The following MAGI2 variants were observed in gnomAD, a reference collection of about 807,000 sequenced individuals.
MAGI2 encodes membrane-associated guanylate kinase, WW and PDZ domain-containing protein 2.
In MAGI2, 35 loss-of-function variants were observed where a neutral mutation model predicts 133.3. The observed-to-expected ratio is 0.26, with a 90% CI of 0.20 to 0.35. MAGI2 has a LOEUF of 0.35. Among genes scored for constraint, MAGI2 ranks in the 10% least tolerant of loss-of-function variants. The pLI, the probability that MAGI2 is intolerant of heterozygous loss-of-function variation, is 1.00. For missense variants in MAGI2, 1,636 were observed against 1,863.4 expected (o/e 0.88, Z 2.25); for synonymous variants, 729 against 710.6 (o/e 1.03, Z -0.41).
chr7:78,302,428 G>A (rs1445182339), intron 9 of MAGI2, among the ~76,000 whole-genome samples: 1 of 152,152 alleles, frequency 6.6e-6, no homozygotes, highest in South Asian at 2.1e-4. Context: ...TCAATCTGGT[G>A]GGCAGGTGAC....
intron 2 of MAGI2, among the ~76,000 whole-genome samples, chr7:78,630,398 A>G (rs1015180071): frequency 9.5e-5 from 13 of 136,426 alleles, no homozygotes; most frequent in Middle Eastern, 3.9e-3. Context: ...TGGTGTACTG[A>G]CTTTTTGTGT....
At chr7:78,109,259 G>A (rs560183919) in intron 20 of MAGI2, among the ~76,000 whole-genome samples, 187 of 116,538 alleles carry the variant, frequency 1.6e-3, no homozygotes, top group African/African-American at 5.7e-3. Context: ...AGCCGACATC[G>A]AGCCACTGCA....
chr7:78,857,031 A>T (rs1438344829), intron 2 of MAGI2, among the ~76,000 whole-genome samples: 2 of 152,098 alleles, frequency 1.3e-5, no homozygotes, highest in Non-Finnish European at 2.9e-5. Context: ...ATGGGAGTTC[A>T]CTCATGATTT....
chr7:78,744,236 T>C (rs780603509), intron 2 of MAGI2, among the ~76,000 whole-genome samples: 2 of 152,192 alleles, frequency 1.3e-5, no homozygotes, highest in Non-Finnish European at 2.9e-5. Context: ...ACGCTAATTT[T>C]ATAAAGAAAA....
chr7:78,966,742 C>A (rs954337050), intron 2 of MAGI2, among the ~76,000 whole-genome samples: 1 of 151,824 alleles, frequency 6.6e-6, no homozygotes, highest in Non-Finnish European at 1.5e-5. Context: ...TTTCAAAGAA[C>A]CTCCATAATG....
At chr7:79,083,191 T>C (rs2129542005) in intron 1 of MAGI2, among the ~76,000 whole-genome samples, 1 of 151,712 alleles carries the variant, frequency 6.6e-6, no homozygotes, top group South Asian at 2.1e-4. Flanking sequence ...GCTTAAATGC[T>C]CTTGCTGGGC....
chr7:78,055,650 GTCC>G (rs1395375652), intron 21 of MAGI2, among the ~76,000 whole-genome samples: 2 of 152,108 alleles, frequency 1.3e-5, no homozygotes, highest in African/African-American at 4.8e-5. Flanking sequence ...CCCTGGTAGA[GTCC>G]TCCTTCCAAA....
intron 6 of MAGI2, among the ~76,000 whole-genome samples, chr7:78,391,496 T>C (rs954520932): frequency 6.6e-6 from 1 of 152,226 alleles, no homozygotes; most frequent in Non-Finnish European, 1.5e-5. Context: ...GTACTGCTTT[T>C]GACAGCATCA....
chr7:78,326,847 C>T (rs899215435), intron 9 of MAGI2, among the ~76,000 whole-genome samples: 2 of 152,258 alleles, frequency 1.3e-5, no homozygotes. Context: ...GTATGGTCTG[C>T]CTCTGAATCA....
chr7:79,088,216 A>T (rs1816706164), intron 1 of MAGI2, among the ~76,000 whole-genome samples: 1 of 152,100 alleles, frequency 6.6e-6, no homozygotes, highest in African/African-American at 2.4e-5. Flanking sequence ...CCCCTTGAAG[A>T]GGACCTTCAT....
intron 2 of MAGI2, among the ~76,000 whole-genome samples, chr7:78,767,438 C>A (rs2151312323): frequency 6.6e-6 from 1 of 151,956 alleles, no homozygotes; most frequent in East Asian, 1.9e-4. Flanking sequence ...TGACTAAGAG[C>A]AAAAGCTGAT....
chr7:78,956,855 C>T (rs1802418155), intron 2 of MAGI2, among the ~76,000 whole-genome samples: 1 of 152,164 alleles, frequency 6.6e-6, no homozygotes, highest in Admixed American at 6.5e-5. Flanking sequence ...CAGCAACATA[C>T]TATCAAATGT....
intron 2 of MAGI2, among the ~76,000 whole-genome samples, chr7:78,853,138 G>T (rs551848614): frequency 6.6e-6 from 1 of 151,710 alleles, no homozygotes. Flanking sequence ...CAGGATATTC[G>T]ATCAAGAACG....
intron 2 of MAGI2, among the ~76,000 whole-genome samples, chr7:78,899,736 A>G (rs1329989924): frequency 6.6e-6 from 1 of 152,134 alleles, no homozygotes. Context: ...TGTATTTTAA[A>G]CAGTCTCCAA....
At chr7:78,064,641 CT>C (rs1813628864) in intron 21 of MAGI2, among the ~76,000 whole-genome samples, 1 of 152,064 alleles carries the variant, frequency 6.6e-6, no homozygotes, top group African/African-American at 2.4e-5. Context: ...TTGATTTATA[CT>C]TATATGGCTA....
chr7:78,704,762 G>A (rs1194019671), intron 2 of MAGI2, among the ~76,000 whole-genome samples: 1 of 107,816 alleles, frequency 9.3e-6, no homozygotes, highest in Non-Finnish European at 1.9e-5. Context: ...CATGGAAGGA[G>A]CAGGAGGCCA....
chr7:78,476,480 T>C (rs10241266), intron 6 of MAGI2, among the ~76,000 whole-genome samples: 42,445 of 151,812 alleles, frequency 0.28, 6,705 homozygotes, highest in African/African-American at 0.43. Context: ...TAATATAATC[T>C]CCAAGAATTA....
intron 1 of MAGI2, among the ~76,000 whole-genome samples, chr7:79,145,432 T>C (rs1822526727): frequency 6.6e-6 from 1 of 152,192 alleles, no homozygotes; most frequent in African/African-American, 2.4e-5. Flanking sequence ...AATATTATAA[T>C]GTCATCCTTG....
intron 10 of MAGI2, among the ~76,000 whole-genome samples, chr7:78,247,561 T>G (rs1440593443): frequency 6.6e-6 from 1 of 151,358 alleles, no homozygotes; most frequent in Non-Finnish European, 1.5e-5. Context: ...AGAGAAACAG[T>G]TCATGATCTC....
Sources: allele counts gnomAD v4.1 joint callset (sites outside exome capture counted in the v4.1 genomes callset), GRCh38; gene constraint gnomAD v4.1.1; transcripts MANE v1.5; gene names NCBI Gene and HGNC (gene_info 2026-07-23, HGNC 2026-07-21).